SLC26A11: variants seen among roughly 807,000 people sequenced by gnomAD.
The protein encoded by SLC26A11 is solute carrier family 26 member 11, also known as sodium-independent sulfate anion transporter.
A neutral mutation model predicts 62.2 loss-of-function variants in SLC26A11; 58 were observed. The ratio of observed to expected loss-of-function variants is 0.93; its 90% CI spans 0.76 to 1.16. The LOEUF (loss-of-function observed/expected upper bound fraction) is 1.16, where lower values mean the gene tolerates loss of function less well. Among genes scored for constraint, SLC26A11 ranks in the 50% most tolerant of loss-of-function variants. SLC26A11 has a pLI of 0.00. For synonymous variants in SLC26A11, 411 were observed against 368.9 expected (o/e 1.11, Z -1.31); for missense variants, 790 against 794.3 (o/e 0.99, Z 0.06).
intron 2 of SLC26A11, 121 bp from the exon 3 acceptor site, chr17:80,221,427 C>G: frequency 1.5e-6 from 1 of 685,824 alleles, no homozygotes; most frequent in Non-Finnish European, 2.4e-6. Flanking sequence ...GAGCCGTTCG[C>G]CCCCCTGGGG....
intron 10 of SLC26A11, among the ~76,000 whole-genome samples, chr17:80,242,597 C>T (rs2042893698): frequency 6.6e-6 from 1 of 152,222 alleles, no homozygotes; most frequent in Non-Finnish European, 1.5e-5. Flanking sequence ...CTCGGGGGCC[C>T]CAAGTTGCCT....
At chr17:80,248,822 G>A (rs532261777) in intron 15 of SLC26A11, 148 bp downstream of exon 15, 2 of 805,408 alleles carry the variant, frequency 2.5e-6, no homozygotes, top group African/African-American at 3.5e-5. Flanking sequence ...ACCGTCCTCT[G>A]TGGGCCTCAG....
rs1050181418 is a variant in SLC26A11 at position 80,225,916 on chromosome 17, G to C, written c.593G>C (p.Arg198Thr). 6.2e-7 allele frequency: 1 copy of C among 1,613,738 alleles called. No individual in the cohort carries two copies. Among genetic ancestry groups the C allele is most frequent in the Admixed American group, 1.7e-5 (1 of 59,988 alleles). The change falls in exon 6 of 18, where the codon AGG becomes ACG. Residue 198 changes from arginine to threonine, a missense_variant and splice_region_variant. Transcript: ENST00000361193. ...ACCTTCCTCAGGATTGCAGAGACCA[G>C]GTACCCCGGGCTTTGTTCCTCCCTC... ...YHTFLRIAET[R>T]VGDAVLGLVC...
intron 16 of SLC26A11, among the ~76,000 whole-genome samples, chr17:80,250,775 C>T (rs1330308612): frequency 6.6e-6 from 1 of 151,796 alleles, no homozygotes; most frequent in Non-Finnish European, 1.5e-5. Context: ...TGCAGTGAGC[C>T]GAGATCGCGC....
rs114502900 is a variant in SLC26A11, at chr17:80,233,991, A to T, written c.737-2937A>T. Reference sequence around the variant, plus strand: ...TTTTTTTTTTCTTTCAGTACTTTTTAAAAAAAAGTTATTTATTATTTTTTT... The same window carrying T: ...TTTTTTTTTTCTTTCAGTACTTTTTTAAAAAAAGTTATTTATTATTTTTTT... On this transcript the variant is annotated intron_variant, in intron 7 of 17. Coordinates refer to ENST00000361193, the MANE Select transcript of SLC26A11 (RefSeq NM_001166347.2). Among the ~76,000 whole-genome samples, 793 of 151,428 alleles carry T rather than the reference A, an allele frequency of 5.2e-3. 6 individuals are homozygous for T. The highest frequency in any genetic ancestry group is 0.017 in the African/African-American group (701 of 41,278).
rs1382936999 is a variant in SLC26A11 at position 80,228,986 on chromosome 17, T to TG, written c.736+1028dup. Among the ~76,000 whole-genome samples, 1 of 152,166 alleles carries TG rather than the reference T, an allele frequency of 6.6e-6. No homozygotes were observed. On this transcript the variant is annotated intron_variant, in intron 7 of 17. Coordinates refer to ENST00000361193, the MANE Select transcript of SLC26A11 (RefSeq NM_001166347.2). This position sits in a 1 kb window ranked among gnomAD's most constrained non-coding sequence, Gnocchi z 4.1. Reference sequence around the variant, plus strand: ...GCATCCGGGATGGGCATGGGTCCCCTGGCTGAGCACCGGGCAGGGATGCCC... The same window carrying TG: ...GCATCCGGGATGGGCATGGGTCCCCTGGGCTGAGCACCGGGCAGGGATGCCC...
At position 80,246,069 on chromosome 17, in the gene SLC26A11, C is replaced by T. The variant is rs1033409311; in HGVS notation, c.1098-85C>T. ...AAGCCGTGCTGGGAGCTGACGTCCC[C>T]TCGGAAGATCAGCCACAGGAGTGTG... On this transcript the variant is annotated intron_variant, in intron 11 of 17. Transcript: ENST00000361193. This position sits in a 1 kb window ranked among gnomAD's most constrained non-coding sequence, Gnocchi z 4.4. The T allele has an allele frequency of 6.6e-6, 10 of 1,519,662 alleles. No individual in the cohort carries two copies. The highest frequency in any genetic ancestry group is 8.2e-6 in the Non-Finnish European group (9 of 1,095,386). 94.1% of individuals were successfully genotyped at this position (1,519,662 alleles called of 1,614,324 possible).
At position 80,246,417 on chromosome 17, in the gene SLC26A11, C is replaced by T. The variant is rs891815929; in HGVS notation, c.1154-92C>T. The T allele has an allele frequency of 1.9e-6, 3 of 1,551,916 alleles. No homozygotes were observed. The highest frequency in any genetic ancestry group is 1.2e-5 in the South Asian group (1 of 85,874). On this transcript the variant is annotated intron_variant, in intron 12 of 17. Transcript: ENST00000361193. The surrounding 1 kb of genome is among the most constrained non-coding windows in gnomAD (Gnocchi z 4.4). ...GTCGTCGCCCTACCCCCACCCCTGTCCCCAGTGGGCTCTGCTGAACAAGAG... is the reference window on the plus strand; with the variant it reads ...GTCGTCGCCCTACCCCCACCCCTGTTCCCAGTGGGCTCTGCTGAACAAGAG...
intron 16 of SLC26A11, among the ~76,000 whole-genome samples, chr17:80,249,912 A>C (rs1015592872): frequency 6.6e-6 from 1 of 152,174 alleles, no homozygotes; most frequent in Admixed American, 6.6e-5. Flanking sequence ...CTCAAAAACA[A>C]ACAAACGAAA....
intron 7 of SLC26A11, among the ~76,000 whole-genome samples, chr17:80,233,572 A>T (rs2144912349): frequency 7.2e-6 from 1 of 139,120 alleles, no homozygotes; most frequent in African/African-American, 2.6e-5. Context: ...GTTGGTGATT[A>T]ACTCTTTCAG....
At position 80,222,948 on chromosome 17, in the gene SLC26A11, T is replaced by G; in HGVS notation, c.427+101T>G. On this transcript the variant is annotated intron_variant, in intron 4 of 17. Transcript: ENST00000361193. This position sits in a 1 kb window ranked among gnomAD's most constrained non-coding sequence, Gnocchi z 4.7. Reference sequence around the variant, plus strand: ...GTGTGCGTGTGTGTGCGTGTTGGGGTGTGGGTATGTATGTGTGTGTGTGTA... The same window carrying G: ...GTGTGCGTGTGTGTGCGTGTTGGGGGGTGGGTATGTATGTGTGTGTGTGTA... 5.4e-6 allele frequency: 6 copies of G among 1,117,500 alleles called. No individual in the cohort carries two copies. Among genetic ancestry groups the G allele is most frequent in the Admixed American group, 2.3e-5 (1 of 44,198 alleles). 69.2% of individuals were successfully genotyped at this position (1,117,500 alleles called of 1,614,324 possible).
chr17:80,238,616 C>A (rs1476825657), intron 9 of SLC26A11, among the ~76,000 whole-genome samples: 4 of 152,198 alleles, frequency 2.6e-5, no homozygotes, highest in Admixed American at 6.5e-5. Context: ...GCGGATGACA[C>A]CTTCGTTCTG....
chr17:80,240,867 T>C (rs2042842525), intron 9 of SLC26A11, among the ~76,000 whole-genome samples: 1 of 152,014 alleles, frequency 6.6e-6, no homozygotes, highest in East Asian at 1.9e-4. Context: ...TCCCAACACG[T>C]TGGGAGGCCT....
chr17:80,248,397 T>A, intron 14 of SLC26A11, 140 bp downstream of exon 14: 3 of 1,342,018 alleles, frequency 2.2e-6, no homozygotes, highest in Non-Finnish European at 3.0e-6. Flanking sequence ...GGCAGTCACC[T>A]TGCTATAAAC....
intron 1 of SLC26A11, 141 bp downstream of exon 1, chr17:80,220,637 C>G: frequency 3.6e-6 from 1 of 279,676 alleles, no homozygotes; most frequent in Non-Finnish European, 6.7e-6. Context: ...GACCACTCCC[C>G]CGCCGCGTCC....
chr17:80,243,460 C>A (rs751144180), intron 10 of SLC26A11, among the ~76,000 whole-genome samples: 3 of 151,854 alleles, frequency 2.0e-5, no homozygotes, highest in Non-Finnish European at 4.4e-5. Context: ...TGCAGTGGCA[C>A]GGTCTCGGCT....
At chr17:80,238,811 G>GTTTTTTTTTTTTTTTTT (rs1276063968) in intron 9 of SLC26A11, among the ~76,000 whole-genome samples, 4 of 123,226 alleles carry the variant, frequency 3.2e-5, no homozygotes, top group African/African-American at 1.0e-4. Context: ...CTTCAAAGGA[G>GTTTTTTTTTTTTTTTTT]TTTTTTTTGT....
intron 7 of SLC26A11, among the ~76,000 whole-genome samples, chr17:80,229,230 T>C (rs2042496036): frequency 6.6e-6 from 1 of 151,834 alleles, no homozygotes; most frequent in African/African-American, 2.4e-5. Flanking sequence ...TCTCCCTGGA[T>C]CCTGTTCAGC....
intron 10 of SLC26A11, among the ~76,000 whole-genome samples, chr17:80,242,056 A>C (rs1258970691): frequency 6.6e-6 from 1 of 152,212 alleles, no homozygotes; most frequent in Non-Finnish European, 1.5e-5. Flanking sequence ...GGCTCACTAC[A>C]ACCTCTGCCT....
Sources: allele counts gnomAD v4.1 joint callset (sites outside exome capture counted in the v4.1 genomes callset), GRCh38; gene constraint gnomAD v4.1.1; non-coding constraint Gnocchi (gnomAD v3.1); transcripts MANE v1.5; gene names NCBI Gene and HGNC (gene_info 2026-07-23, HGNC 2026-07-21).